The following MTA3 variants were observed in gnomAD, a reference collection of about 807,000 sequenced individuals.
The protein encoded by MTA3 is metastasis-associated protein MTA3.
A neutral mutation model predicts 83.5 loss-of-function variants in MTA3; 34 were observed. The observed-to-expected ratio is 0.41, with a 90% CI of 0.31 to 0.54. The LOEUF is 0.54. Among genes scored for constraint, MTA3 ranks in the 20% least tolerant of loss-of-function variants. The pLI, the probability that MTA3 is intolerant of heterozygous loss-of-function variation, is 0.33. For missense variants in MTA3, 761 were observed against 726.4 expected (o/e 1.05, Z -0.55); for synonymous variants, 303 against 252.7 (o/e 1.20, Z -1.89).
At chr2:42,677,656 A>G (rs918104174) in intron 8 of MTA3, among the ~76,000 whole-genome samples, 1 of 152,186 alleles carries the variant, frequency 6.6e-6, no homozygotes, top group East Asian at 1.9e-4. Flanking sequence ...GATGGTTTTA[A>G]AAATGGGAGT....
intron 3 of MTA3, among the ~76,000 whole-genome samples, chr2:42,603,098 A>G (rs1310673460): frequency 7.0e-6 from 1 of 142,080 alleles, no homozygotes; most frequent in Non-Finnish European, 1.5e-5. Flanking sequence ...AGGCACATCA[A>G]TAAATTTACT....
intron 3 of MTA3, among the ~76,000 whole-genome samples, chr2:42,580,397 A>G (rs1263683013): frequency 1.3e-5 from 2 of 150,836 alleles, no homozygotes; most frequent in Non-Finnish European, 3.0e-5. Flanking sequence ...TTTGAGATTG[A>G]GTCTTGCTCT....
intron 2 of MTA3, among the ~76,000 whole-genome samples, chr2:42,536,183 G>A (rs1007382526): frequency 2.7e-5 from 4 of 150,332 alleles, no homozygotes; most frequent in African/African-American, 9.8e-5. Context: ...TATGAAAATC[G>A]AGGGGTTAGG....
At chr2:42,710,946 G>T (rs1290920028) in intron 14 of MTA3, among the ~76,000 whole-genome samples, 1 of 152,066 alleles carries the variant, frequency 6.6e-6, no homozygotes, top group Non-Finnish European at 1.5e-5. Context: ...AGGCATGGTG[G>T]CACACGCCTG....
chr2:42,545,447 G>C (rs1022189599), intron 2 of MTA3, among the ~76,000 whole-genome samples: 1 of 152,116 alleles, frequency 6.6e-6, no homozygotes, highest in African/African-American at 2.4e-5. Context: ...TAACTCGGGA[G>C]AGAAATGCTC....
At chr2:42,606,539 G>C (rs1183976756) in intron 3 of MTA3, among the ~76,000 whole-genome samples, 3 of 143,980 alleles carry the variant, frequency 2.1e-5, no homozygotes, top group Non-Finnish European at 3.0e-5. Context: ...GGGAAGAGGC[G>C]CTCCTCACTT....
At chr2:42,534,247 T>C (rs1200924539) in intron 2 of MTA3, among the ~76,000 whole-genome samples, 1 of 152,154 alleles carries the variant, frequency 6.6e-6, no homozygotes, top group East Asian at 1.9e-4. Context: ...ATCACTGATT[T>C]CTCCAATACA....
At chr2:42,695,322 T>G (rs945661166) in intron 9 of MTA3, among the ~76,000 whole-genome samples, 1 of 152,102 alleles carries the variant, frequency 6.6e-6, no homozygotes, top group African/African-American at 2.4e-5. Context: ...GATATTTGCT[T>G]CATTATTTTA....
intron 14 of MTA3, among the ~76,000 whole-genome samples, chr2:42,716,461 C>T (rs113029321): frequency 0.014 from 2,144 of 152,264 alleles, 50 homozygotes; most frequent in African/African-American, 0.048. Flanking sequence ...AGTTATTCTT[C>T]CTGATACTGT....
intron 16 of MTA3, among the ~76,000 whole-genome samples, chr2:42,749,035 T>C (rs920714934): frequency 6.6e-6 from 1 of 152,264 alleles, no homozygotes; most frequent in Non-Finnish European, 1.5e-5. Context: ...TGGACAGCTC[T>C]TGAAGTCACT....
In MTA3 at chr2:42,607,596, A is replaced by T. The variant is rs529171569; in HGVS notation, c.191-1862A>T. Among the ~76,000 whole-genome samples the T allele has an allele frequency of 4.6e-5, 7 of 152,208 alleles. No individual in the cohort carries two copies. The East Asian group carries it at 1.4e-3, about 29-fold the overall frequency. On this transcript the variant is annotated intron_variant, in intron 3 of 16. Transcript: ENST00000405094. The stretch of plus-strand genomic sequence containing the variant: ...TGGGCTCAAGCGATCTGCTTGCCTC[A>T]GCCTCCCAAAGTGCTGGAATTGCAG...
intron 14 of MTA3, among the ~76,000 whole-genome samples, chr2:42,715,691 A>G (rs918078912): frequency 1.6e-4 from 24 of 152,174 alleles, no homozygotes; most frequent in East Asian, 1.9e-4. Context: ...AGAAGCAAAT[A>G]TAGTTTAAAA....
At chr2:42,496,968 G>A (rs779334323) in intron 2 of MTA3, among the ~76,000 whole-genome samples, 4 of 152,194 alleles carry the variant, frequency 2.6e-5, no homozygotes, top group Non-Finnish European at 5.9e-5. Flanking sequence ...CACTTTGGAA[G>A]GCCGAGGCAG....
rs183347283 is a variant in MTA3, at chr2:42,736,115, T to C, written c.1759+13080T>C. 1.1e-3 allele frequency among the ~76,000 whole-genome samples: 175 copies of C among 152,282 alleles called. 2 individuals carry two copies. The highest frequency in any genetic ancestry group is 1.2e-3 in the Non-Finnish European group (79 of 68,032). On this transcript the variant is annotated intron_variant, in intron 16 of 16. Coordinates refer to ENST00000405094, the MANE Select transcript of MTA3 (RefSeq NM_001330442.2). ...TTCCAACTATTAGAAGGGATTTGGG[T>C]GTTGTGATCTAAGTCTTTGTTCACT... is the stretch of plus-strand genomic sequence containing the variant.
At chr2:42,699,653 TG>T (rs1693690564) in intron 11 of MTA3, among the ~76,000 whole-genome samples, 1 of 151,920 alleles carries the variant, frequency 6.6e-6, no homozygotes, top group African/African-American at 2.4e-5. Flanking sequence ...GGGTGTCAAG[TG>T]TGAATCCTAG....
intron 16 of MTA3, among the ~76,000 whole-genome samples, chr2:42,750,785 A>G (rs1183500892): frequency 6.6e-6 from 1 of 152,164 alleles, no homozygotes; most frequent in African/African-American, 2.4e-5. Flanking sequence ...TAGGCCTGAA[A>G]CGGTTTTGTC....
chr2:42,519,798 C>A (rs1466998155), intron 2 of MTA3, among the ~76,000 whole-genome samples: 1 of 151,882 alleles, frequency 6.6e-6, no homozygotes, highest in Non-Finnish European at 1.5e-5. Context: ...ACTTGTAATC[C>A]CAGCACTTTG....
At chr2:42,575,323 A>T (rs980905833) in intron 2 of MTA3, among the ~76,000 whole-genome samples, 2 of 152,122 alleles carry the variant, frequency 1.3e-5, no homozygotes, top group Non-Finnish European at 2.9e-5. Context: ...AGCTGCAGTG[A>T]TCTTTTCTGT....
intron 4 of MTA3, among the ~76,000 whole-genome samples, chr2:42,629,901 C>T (rs879709990): frequency 6.6e-6 from 1 of 152,006 alleles, no homozygotes; most frequent in African/African-American, 2.4e-5. Context: ...GCCTCAGCCT[C>T]CTGAGTAGCT....
Sources: allele counts gnomAD v4.1 joint callset (sites outside exome capture counted in the v4.1 genomes callset), GRCh38; gene constraint gnomAD v4.1.1; transcripts MANE v1.5; gene names NCBI Gene and HGNC (gene_info 2026-07-23, HGNC 2026-07-21).